MAOB: variants seen among roughly 807,000 people sequenced by gnomAD.
MAOB encodes amine oxidase [flavin-containing] B.
Under a neutral mutation model 41.9 loss-of-function variants are expected in MAOB, and 15 were observed. The ratio of observed to expected loss-of-function variants is 0.36; its 90% confidence interval spans 0.24 to 0.55. MAOB has a LOEUF of 0.55. Among genes scored for constraint, MAOB ranks in the 20% least tolerant of loss-of-function variants. The probability of loss-of-function intolerance (pLI) is 0.86; values close to 1 mark genes in which losing one functional copy is unlikely to be tolerated. For missense variants in MAOB, 345 were observed against 398.7 expected, an observed-to-expected ratio of 0.87 and a Z score of 1.15; for synonymous variants, 167 against 144.2, an observed-to-expected ratio of 1.16 and a Z score of -1.13.
At chrX:43,846,400 C>A (rs888877839) in intron 1 of MAOB, among the ~76,000 whole-genome samples, 9 of 112,277 alleles carry the variant, frequency 8.0e-5, no homozygotes, top group African/African-American at 2.9e-4. Flanking sequence ...GTTCTCTATG[C>A]TCATGTACCT....
intron 1 of MAOB, among the ~76,000 whole-genome samples, chrX:43,850,040 T>C (rs764250623): frequency 7.1e-4 from 80 of 112,022 alleles, no homozygotes; most frequent in Non-Finnish European, 1.3e-3. Flanking sequence ...ACGCATTCAA[T>C]CCTTAACAAT....
At chrX:43,832,472 C>T (rs770171543) in intron 3 of MAOB, among the ~76,000 whole-genome samples, 18 of 111,235 alleles carry the variant, frequency 1.6e-4, no homozygotes, top group Non-Finnish European at 2.6e-4. Context: ...ACAGGAAGAC[C>T]GACTTTTCCT....
chrX:43,826,198 T>G (rs989832213), intron 3 of MAOB, among the ~76,000 whole-genome samples: 2 of 112,223 alleles, frequency 1.8e-5, no homozygotes, highest in African/African-American at 6.5e-5. Flanking sequence ...TTGTGGAATT[T>G]GGGTGGGAGC....
At chrX:43,785,998 G>A (rs1221505551) in intron 8 of MAOB, among the ~76,000 whole-genome samples, 3 of 111,756 alleles carry the variant, frequency 2.7e-5, no homozygotes, top group Non-Finnish European at 3.8e-5. Flanking sequence ...AGTACACGCT[G>A]TTGGAAAAAT....
intron 1 of MAOB, among the ~76,000 whole-genome samples, chrX:43,845,620 G>A (rs916616210): frequency 6.3e-5 from 7 of 111,609 alleles, no homozygotes; most frequent in African/African-American, 2.0e-4. Flanking sequence ...TGTCTTCCCC[G>A]GACCCCCATG....
chrX:43,808,584 A>T (rs958913106), intron 3 of MAOB, among the ~76,000 whole-genome samples: 7 of 110,766 alleles, frequency 6.3e-5, no homozygotes, highest in Non-Finnish European at 1.1e-4. Context: ...GAGTTAACTA[A>T]CTAACCATGA....
intron 1 of MAOB, among the ~76,000 whole-genome samples, chrX:43,857,138 G>T (rs1391429046): frequency 4.6e-4 from 26 of 56,577 alleles, no homozygotes; most frequent in African/African-American, 1.4e-3. Context: ...GAGAGAGAGA[G>T]AGAGAGAGAG....
At chrX:43,775,073 T>G in intron 12 of MAOB, 102 bp downstream of exon 12, 5 of 843,230 alleles carry the variant, frequency 5.9e-6, no homozygotes, top group East Asian at 5.1e-5. Flanking sequence ...TTTTTTTTTT[T>G]GTATTTATAA....
chrX:43,813,969 T>C (rs1601998381), intron 3 of MAOB, among the ~76,000 whole-genome samples: 2 of 110,083 alleles, frequency 1.8e-5, no homozygotes, highest in East Asian at 5.7e-4. Context: ...TTGAGGTTGG[T>C]TGCAATTTTA....
chrX:43,839,023 A>G lies in MAOB; in HGVS notation c.142-18T>C. 9.1e-7 allele frequency: 1 copy of G among 1,099,530 alleles called. No homozygotes were observed. The highest frequency in any genetic ancestry group is 1.2e-6 in the Non-Finnish European group (1 of 823,115). The allele number at this position is 1,099,530 out of a possible 1,213,427, so 90.6% of individuals were successfully genotyped here. A position where few individuals can be genotyped will look rare whatever the true frequency, so the allele number is the denominator to read the frequency against. On this transcript the variant is annotated intron_variant, in intron 2 of 14. Coordinates refer to ENST00000378069, the MANE Select transcript of MAOB (RefSeq NM_000898.5). ...TTTTGGTTCTGTTTTCCCATAGGAA[A>G]AAATTAAAAAAAATTTGTAAAAAAT...
chrX:43,837,858 G>A (rs1196345152), intron 3 of MAOB: 2 of 330,501 alleles, frequency 6.1e-6, no homozygotes, highest in Non-Finnish European at 1.2e-5. Context: ...CCTGGATGGG[G>A]CCCAGATTAG....
chrX:43,782,217 G>A (rs1423030373), intron 8 of MAOB, among the ~76,000 whole-genome samples: 1 of 110,246 alleles, frequency 9.1e-6, no homozygotes, highest in African/African-American at 3.3e-5. Context: ...TTTTTGAAAA[G>A]ATCAAAAAAA....
intron 1 of MAOB, among the ~76,000 whole-genome samples, chrX:43,850,807 G>C (rs747678876): frequency 2.7e-5 from 3 of 111,931 alleles, no homozygotes; most frequent in Non-Finnish European, 3.8e-5. Context: ...TCTTGAAAAA[G>C]ATAAAAAACA....
At chrX:43,880,819 T>C (rs887292583) in intron 1 of MAOB, among the ~76,000 whole-genome samples, 1 of 112,123 alleles carries the variant, frequency 8.9e-6, no homozygotes, top group African/African-American at 3.2e-5. Context: ...GGGCATACTT[T>C]AGTGAGAAAA....
chrX:43,776,949 T>C (rs895773560), intron 11 of MAOB, among the ~76,000 whole-genome samples: 17 of 111,448 alleles, frequency 1.5e-4, no homozygotes, highest in African/African-American at 5.5e-4. Flanking sequence ...CTCATCATTT[T>C]TATGGCTGCA....
intron 1 of MAOB, among the ~76,000 whole-genome samples, chrX:43,874,979 C>T (rs920655665): frequency 8.9e-6 from 1 of 112,225 alleles, no homozygotes; most frequent in Non-Finnish European, 1.9e-5. Context: ...CTTAGTCTTA[C>T]TCTTTTTCTA....
intron 2 of MAOB, 83 bp from the exon 3 acceptor site, chrX:43,839,088 G>A (rs1404977502): frequency 1.1e-5 from 8 of 736,977 alleles, no homozygotes; most frequent in Non-Finnish European, 1.5e-5. Flanking sequence ...TAAGCAAATC[G>A]ACATTTCACA....
At chrX:43,849,537 G>T in intron 1 of MAOB, among the ~76,000 whole-genome samples, 1 of 112,885 alleles carries the variant, frequency 8.9e-6, no homozygotes, top group Non-Finnish European at 1.9e-5. Context: ...GGCGAATGCA[G>T]CTCACAAGGT....
chrX:43,855,579 C>T (rs2035282549), intron 1 of MAOB, among the ~76,000 whole-genome samples: 1 of 111,395 alleles, frequency 9.0e-6, no homozygotes, highest in Non-Finnish European at 1.9e-5. Flanking sequence ...AATAGAGAGA[C>T]AACATAAAGG....
Sources: gnomAD v4.1 joint callset for allele counts (sites outside exome capture counted in the v4.1 genomes callset) on GRCh38, gnomAD v4.1.1 for gene constraint, MANE v1.5 for transcripts, NCBI Gene and HGNC (gene_info 2026-07-23, HGNC 2026-07-21) for gene names.